WASHC2C: variants seen among roughly 807,000 people sequenced by gnomAD.
WASHC2C encodes WASH complex subunit 2C.
A neutral mutation model predicts 142.2 loss-of-function variants in WASHC2C; 73 were observed. That is an observed-to-expected ratio of 0.51 (90% CI 0.43 to 0.62). The LOEUF is 0.62. Ranked by LOEUF, WASHC2C falls within the 20% of genes least tolerant of loss-of-function variation. The pLI, the probability that WASHC2C is intolerant of heterozygous loss-of-function variation, is 0.00. For missense variants in WASHC2C, 969 were observed against 1,531.7 expected, an observed-to-expected ratio of 0.63 and a Z score of 6.13; for synonymous variants, 337 against 565.5, an observed-to-expected ratio of 0.60 and a Z score of 5.73.
At chr10:45,744,696 G>A in intron 6 of WASHC2C, 125 bp from the exon 7 acceptor site, 2 of 543,006 alleles carry the variant, frequency 3.7e-6, no homozygotes, top group Non-Finnish European at 3.4e-6. Flanking sequence ...TTCAATTCCA[G>A]TAAGTGGGTA....
intron 27 of WASHC2C, 86 bp from the exon 28 acceptor site, chr10:45,786,949 T>G: frequency 1.2e-6 from 2 of 1,611,960 alleles, no homozygotes; most frequent in South Asian, 1.1e-5. Flanking sequence ...ATACATTATG[T>G]GTACCGAATC....
intron 3 of WASHC2C, among the ~76,000 whole-genome samples, chr10:45,734,363 G>GTA (rs2050962294): frequency 6.6e-6 from 1 of 151,136 alleles, no homozygotes; most frequent in African/African-American, 2.4e-5. Flanking sequence ...AGATGACTGT[G>GTA]TGTGTGTGTG....
intron 3 of WASHC2C, among the ~76,000 whole-genome samples, chr10:45,737,694 T>C (rs1336337991): frequency 6.6e-6 from 1 of 152,106 alleles, no homozygotes; most frequent in Non-Finnish European, 1.5e-5. Flanking sequence ...AAAACTGATA[T>C]CTTACTGTTT....
At chr10:45,729,900 T>C (rs2134011015) in intron 3 of WASHC2C, among the ~76,000 whole-genome samples, 1 of 152,312 alleles carries the variant, frequency 6.6e-6, no homozygotes, top group East Asian at 1.9e-4. Flanking sequence ...GTGCAGCATG[T>C]TTGTGCATTT....
rs1384045987 is a variant in WASHC2C at position 45,789,237 on chromosome 10, G to A, written c.3454G>A (p.Ala1152Thr). 4 of 1,611,912 alleles carry A rather than the reference G, an allele frequency of 2.5e-6. No homozygotes were observed. The highest frequency in any genetic ancestry group is 2.7e-5 in the African/African-American group (2 of 74,862). ...SQSVERTKPK[A>T]KIAENPANPP... The stretch of plus-strand genomic sequence containing the variant: ...GTCCGTGGAGAGAACAAAACCCAAG[G>A]CAAAGATAGCAGAGAATCCTGCCAA... Residue 1152 changes from alanine (A) to threonine (T), a missense_variant, in exon 29 of 31, where the codon GCA becomes ACA. Coordinates refer to ENST00000623400, the MANE Select transcript of WASHC2C (RefSeq NM_001330074.2).
chr10:45,741,798 A>ATTT (rs544788263), intron 5 of WASHC2C, among the ~76,000 whole-genome samples: 6 of 125,880 alleles, frequency 4.8e-5, no homozygotes, highest in Non-Finnish European at 8.5e-5. Context: ...TCTTGACCCT[A>ATTT]TTTTTTTTTT....
intron 17 of WASHC2C, among the ~76,000 whole-genome samples, chr10:45,762,547 A>G (rs1187896938): frequency 2.0e-5 from 3 of 152,228 alleles, no homozygotes; most frequent in Non-Finnish European, 4.4e-5. Flanking sequence ...AACGTCATAT[A>G]CCTATAGTTA....
At chr10:45,783,212 A>AT (rs1225517640) in intron 23 of WASHC2C, among the ~76,000 whole-genome samples, 7 of 151,176 alleles carry the variant, frequency 4.6e-5, no homozygotes, top group African/African-American at 1.7e-4. Flanking sequence ...TGTTATATGA[A>AT]TTTTTTTGTT....
intron 30 of WASHC2C, 36 bp downstream of exon 30, chr10:45,790,569 C>G: frequency 6.2e-7 from 1 of 1,611,982 alleles, no homozygotes; most frequent in Non-Finnish European, 8.5e-7. Context: ...CTAGAGAATT[C>G]TTACCTTTCC....
chr10:45,735,732 G>A (rs2134149402), intron 3 of WASHC2C, among the ~76,000 whole-genome samples: 1 of 152,270 alleles, frequency 6.6e-6, no homozygotes, highest in East Asian at 1.9e-4. Flanking sequence ...TAGAATTTTG[G>A]GTCAGAGGAT....
At position 45,786,595 on chromosome 10, in the gene WASHC2C, G is replaced by T. The variant is rs782379398; in HGVS notation, c.2812-17G>T. 3.1e-6 allele frequency: 5 copies of T among 1,610,814 alleles called. No individual in the cohort carries two copies. Among genetic ancestry groups the T allele is most frequent in the Non-Finnish European group, 4.2e-6 (5 of 1,179,176 alleles). ...TGTTTCCCAAATGGATTTTTAACTGGATGTAATCTTACACAGGACTCATCA... is the reference window on the plus strand; with the variant it reads ...TGTTTCCCAAATGGATTTTTAACTGTATGTAATCTTACACAGGACTCATCA... On this transcript the variant is annotated splice_polypyrimidine_tract_variant and intron_variant, in intron 26 of 30. Coordinates refer to ENST00000623400, the MANE Select transcript of WASHC2C (RefSeq NM_001330074.2).
At chr10:45,767,341 G>A (rs1245851943) in intron 19 of WASHC2C, among the ~76,000 whole-genome samples, 8 of 148,084 alleles carry the variant, frequency 5.4e-5, no homozygotes, top group African/African-American at 1.5e-4. Context: ...TACTACAAAA[G>A]TCTGAGTCTG....
intron 14 of WASHC2C, 53 bp from the exon 15 acceptor site, chr10:45,754,883 C>T (rs2054047488): frequency 6.2e-7 from 1 of 1,603,454 alleles, no homozygotes; most frequent in Admixed American, 1.7e-5. Flanking sequence ...TCTGTAAATT[C>T]AACCGGCCCA....
At chr10:45,748,117 C>G (rs1211839227) in intron 8 of WASHC2C, among the ~76,000 whole-genome samples, 1 of 127,984 alleles carries the variant, frequency 7.8e-6, no homozygotes, top group Admixed American at 8.2e-5. Flanking sequence ...AAATGTTTAA[C>G]TATCAAATGA....
intron 17 of WASHC2C, among the ~76,000 whole-genome samples, chr10:45,762,317 A>G (rs2055211389): frequency 6.6e-6 from 1 of 152,068 alleles, no homozygotes; most frequent in African/African-American, 2.4e-5. Flanking sequence ...GGTTCAAGCA[A>G]TTCTCCTGCC....
intron 2 of WASHC2C, 54 bp downstream of exon 2, chr10:45,727,593 G>A (rs2050014248): frequency 6.6e-7 from 1 of 1,514,112 alleles, no homozygotes; most frequent in Non-Finnish European, 8.8e-7. Context: ...CTTGGCTTGC[G>A]CGCAGGAGGG....
At position 45,787,075 on chromosome 10, in the gene WASHC2C, CG is replaced by C. The variant is rs2058097205; in HGVS notation, c.2917del (p.Ala973LeufsTer7). ...AACCCAGCGGCCTTGCTGCCCACAG[CG>C]GCTTCCCAGATCTCTGAAGTAAAGC... ...AINPAALLPT[A>X]ASQISEVKPV... On this transcript the variant is annotated frameshift_variant, in exon 28 of 31. Transcript: ENST00000623400. LOFTEE classifies it high-confidence loss of function. 6.2e-7 allele frequency: 1 copy of C among 1,608,626 alleles called. No individual in the cohort carries two copies.
chr10:45,731,462 G>A (rs540270318), intron 3 of WASHC2C, among the ~76,000 whole-genome samples: 10 of 143,418 alleles, frequency 7.0e-5, no homozygotes, highest in African/African-American at 2.1e-4. Flanking sequence ...GACCTCAAGC[G>A]ATCTGCCCAT....
chr10:45,772,159 T>C (rs1487645470), intron 20 of WASHC2C, among the ~76,000 whole-genome samples: 1 of 152,028 alleles, frequency 6.6e-6, no homozygotes, highest in African/African-American at 2.4e-5. Flanking sequence ...AAACCACATA[T>C]TGTATTGTTC....
Sources: allele counts gnomAD v4.1 joint callset (sites outside exome capture counted in the v4.1 genomes callset), GRCh38; gene constraint gnomAD v4.1.1; transcripts MANE v1.5; gene names NCBI Gene and HGNC (gene_info 2026-07-23, HGNC 2026-07-21).